The following NECAP1 variants were observed in gnomAD, a reference collection of about 807,000 sequenced individuals.
NECAP1 encodes the protein NECAP endocytosis associated 1.
Under a neutral mutation model 33.4 loss-of-function variants are expected in NECAP1, and 13 were observed. The ratio of observed to expected loss-of-function variants is 0.39; its 90% CI spans 0.25 to 0.62. The LOEUF (loss-of-function observed/expected upper bound fraction) is 0.62, where lower values mean the gene tolerates loss of function less well. Ranked by LOEUF, NECAP1 falls within the 20% of genes least tolerant of loss-of-function variation. NECAP1 has a pLI of 0.52. For missense variants in NECAP1, 272 were observed against 347.4 expected (o/e 0.78, Z 1.73); for synonymous variants, 109 against 125.2 (o/e 0.87, Z 0.86).
chr12:8,094,388 C>T (rs893082500), intron 6 of NECAP1, among the ~76,000 whole-genome samples: 4 of 152,178 alleles, frequency 2.6e-5, no homozygotes, highest in African/African-American at 9.7e-5. Flanking sequence ...ACCACTTTCT[C>T]ATCTTACTCA....
At chr12:8,083,851 T>C (rs1387099470) in intron 1 of NECAP1, among the ~76,000 whole-genome samples, 1 of 148,600 alleles carries the variant, frequency 6.7e-6, no homozygotes, top group East Asian at 2.0e-4. Context: ...GGGATCCTCC[T>C]ACCTCAGCCT....
chr12:8,092,784 G>A lies in NECAP1; in HGVS notation c.492G>A (p.Gly164=), dbSNP rs376958506. 1 of 1,607,722 alleles carries A rather than the reference G, an allele frequency of 6.2e-7. No homozygotes were observed. The highest frequency in any genetic ancestry group is 1.1e-5 in the South Asian group (1 of 90,272). The change falls in exon 5 of 8, where the codon GGG becomes GGA. Residue 164 remains glycine (G), a splice_region_variant and synonymous_variant. Transcript: ENST00000339754. ...GACAAACCATCAAGTTGTGTATCGG[G>A]GTGAGTATGGTTTTTAAAAATTTTG... The part of the protein sequence containing the change: ...KEGQTIKLCI[G]NITNKKGGAS...
chr12:8,095,497 C>T (rs11043343), intron 6 of NECAP1, 104 bp from the exon 7 acceptor site: 2 of 727,796 alleles, frequency 2.7e-6, no homozygotes, highest in Non-Finnish European at 4.5e-6. Context: ...ATCCACCCGC[C>T]TCGGCCTCCC....
At position 8,090,178 on chromosome 12, in the gene NECAP1, TTTC is replaced by T; in HGVS notation, c.197-15_197-13del. The stretch of plus-strand genomic sequence containing the variant: ...TTGGCTTGCTTTACTCAAAAAAGTC[TTTC>T]TCTTATCTGTCAGGGGAGCTCTTTG... On this transcript the variant is annotated splice_polypyrimidine_tract_variant and intron_variant, in intron 2 of 7. Coordinates refer to ENST00000339754, the MANE Select transcript of NECAP1 (RefSeq NM_015509.4). The T allele has an allele frequency of 6.2e-7, 1 of 1,613,608 alleles. No homozygotes were observed. Among genetic ancestry groups the T allele is most frequent in the Non-Finnish European group, 8.5e-7 (1 of 1,179,504 alleles).
In NECAP1 at chr12:8,089,963, T is replaced by G; in HGVS notation, c.123T>G (p.Pro41=). 1 of 1,614,204 alleles carries G rather than the reference T, an allele frequency of 6.2e-7. No homozygotes were observed. The highest frequency in any genetic ancestry group is 8.5e-7 in the Non-Finnish European group (1 of 1,180,024). Residue 41 remains proline, a synonymous_variant, in exon 2 of 8, where the codon CCT becomes CCG. Coordinates refer to ENST00000339754, the MANE Select transcript of NECAP1 (RefSeq NM_015509.4). ...YRASDWKLDQ[P]DWTGRLRITS... ...CCTCTGACTGGAAATTAGACCAGCC[T>G]GATTGGACTGGTCGCCTCCGAATCA... is the stretch of plus-strand genomic sequence containing the variant.
At chr12:8,087,774 A>C (rs750220210) in intron 1 of NECAP1, among the ~76,000 whole-genome samples, 2 of 152,142 alleles carry the variant, frequency 1.3e-5, no homozygotes, top group Non-Finnish European at 2.9e-5. Context: ...ATAGATGAGG[A>C]ACTTTAGAGC....
chr12:8,092,471 C>G (rs954926608), intron 4 of NECAP1: 1 of 524,784 alleles, frequency 1.9e-6, no homozygotes, highest in Non-Finnish European at 3.4e-6. Context: ...ATACGTATTC[C>G]GTGAGATTTC....
rs780118624 is a variant in NECAP1, at chr12:8,087,477, T to G, written c.96-2459T>G. The stretch of plus-strand genomic sequence containing the variant: ...TCGGACACTAGATACACAAGAGAAA[T>G]AAGGAACTCATCCAAGAAAAACACA... On this transcript the variant is annotated intron_variant, in intron 1 of 7. Coordinates refer to ENST00000339754, the MANE Select transcript of NECAP1 (RefSeq NM_015509.4). Among the ~76,000 whole-genome samples, 25 of 150,532 alleles carry G rather than the reference T, an allele frequency of 1.7e-4. No homozygotes were observed. In the East Asian group the frequency reaches 2.1e-3, roughly 13 times the overall value.
chr12:8,088,566 C>A (rs1206621357), intron 1 of NECAP1, among the ~76,000 whole-genome samples: 1 of 152,186 alleles, frequency 6.6e-6, no homozygotes, highest in Non-Finnish European at 1.5e-5. Flanking sequence ...CTTAGCTAAT[C>A]CCCCTGCTTC....
At chr12:8,086,928 TAC>T (rs140539415) in intron 1 of NECAP1, among the ~76,000 whole-genome samples, 36,895 of 143,452 alleles carry the variant, frequency 0.26, 4,865 homozygotes, top group Admixed American at 0.37. Flanking sequence ...GAGACTCTAT[TAC>T]ACACACACAC....
chr12:8,083,329 A>C (rs1428534092), intron 1 of NECAP1, among the ~76,000 whole-genome samples: 2 of 152,014 alleles, frequency 1.3e-5, no homozygotes, highest in Non-Finnish European at 2.9e-5. Flanking sequence ...GTGCTTAACA[A>C]GGGTTTTTGG....
chr12:8,083,446 T>C (rs1020633722), intron 1 of NECAP1, among the ~76,000 whole-genome samples: 1 of 121,500 alleles, frequency 8.2e-6, no homozygotes, highest in Non-Finnish European at 1.7e-5. Flanking sequence ...TTTTTTTTTT[T>C]TGAGATGTAG....
Position 8,092,756 on chromosome 12 carries a change from A to G in NECAP1, c.464A>G (p.Glu155Gly), listed in dbSNP as rs1947561279. 2 of 1,613,956 alleles carry G rather than the reference A, an allele frequency of 1.2e-6. No homozygotes were observed. Among genetic ancestry groups the G allele is most frequent in the African/African-American group, 2.7e-5 (2 of 75,062 alleles). ...CCTAAGTTGGATCTGGGCTTCAAGG[A>G]AGGACAAACCATCAAGTTGTGTATC... is the stretch of plus-strand genomic sequence containing the variant. ...ARPKLDLGFK[E>G]GQTIKLCIGN... Residue 155 changes from glutamate (E) to glycine (G), a missense_variant, in exon 5 of 8, where the codon GAA (glutamate) becomes GGA (glycine). Transcript: ENST00000339754.
At chr12:8,094,378 A>G (rs1348611792) in intron 6 of NECAP1, among the ~76,000 whole-genome samples, 2 of 152,152 alleles carry the variant, frequency 1.3e-5, no homozygotes, top group African/African-American at 2.4e-5. Flanking sequence ...TGATGTTGAT[A>G]CCACTTTCTC....
chr12:8,085,734 C>T (rs887826050), intron 1 of NECAP1, among the ~76,000 whole-genome samples: 4 of 126,088 alleles, frequency 3.2e-5, no homozygotes, highest in Non-Finnish European at 4.7e-5. Context: ...GACAGAGTCT[C>T]GCTCTGTCAC....
intron 1 of NECAP1, among the ~76,000 whole-genome samples, chr12:8,083,728 CGT>C (rs1491336892): frequency 4.6e-5 from 5 of 109,844 alleles, no homozygotes; most frequent in African/African-American, 1.7e-4. Context: ...GCCCAGCCGT[CGT>C]TTTTTTTTTT....
At chr12:8,095,809 A>G in intron 7 of NECAP1, 106 bp downstream of exon 7, 1 of 1,251,696 alleles carries the variant, frequency 8.0e-7, no homozygotes, top group East Asian at 2.3e-5. Context: ...CAGGTCACAT[A>G]GAGTCTTTTG....
chr12:8,085,060 C>G (rs932249104), intron 1 of NECAP1, among the ~76,000 whole-genome samples: 1 of 151,566 alleles, frequency 6.6e-6, no homozygotes, highest in South Asian at 2.1e-4. Context: ...GGCTGTGTTG[C>G]CCAGGCTGGA....
chr12:8,093,221 GAGTCAT>G, intron 6 of NECAP1, 166 bp downstream of exon 6: 1 of 640,214 alleles, frequency 1.6e-6, no homozygotes, highest in Non-Finnish European at 2.6e-6. Context: ...AGTGAACTAA[GAGTCAT>G]AGTATCTCAT....
Sources: allele counts gnomAD v4.1 joint callset (sites outside exome capture counted in the v4.1 genomes callset), GRCh38; gene constraint gnomAD v4.1.1; transcripts MANE v1.5; gene names NCBI Gene and HGNC (gene_info 2026-07-23, HGNC 2026-07-21).